The following PPP1R7 variants were observed in gnomAD, a reference collection of about 807,000 sequenced individuals.
The protein encoded by PPP1R7 is protein phosphatase 1 regulatory subunit 7.
Under a neutral mutation model 45.2 loss-of-function variants are expected in PPP1R7, and 18 were observed. The ratio of observed to expected loss-of-function variants is 0.40; its 90% CI spans 0.28 to 0.59. The LOEUF (loss-of-function observed/expected upper bound fraction) is 0.59. Among genes scored for constraint, PPP1R7 ranks in the 20% least tolerant of loss-of-function variants. The pLI is 0.46. For synonymous variants in PPP1R7, 181 were observed against 183.4 expected (o/e 0.99, Z 0.11); for missense variants, 314 against 455.8 (o/e 0.69, Z 2.83).
At chr2:241,182,305 G>T (rs2268904) in intron 9 of PPP1R7, among the ~76,000 whole-genome samples, 19,940 of 152,198 alleles carry the variant, frequency 0.13, 3,137 homozygotes, top group East Asian at 0.45. Flanking sequence ...CTGGTTTGTA[G>T]AAAGTGCAGC....
At chr2:241,160,209 C>T (rs1192633023) in intron 5 of PPP1R7, 123 bp from the exon 6 acceptor site, 5 of 683,732 alleles carry the variant, frequency 7.3e-6, no homozygotes, top group African/African-American at 1.9e-5. Context: ...ACCCCCCACC[C>T]TCTCCCACCC....
At chr2:241,178,820 G>A (rs1402682553) in intron 9 of PPP1R7, among the ~76,000 whole-genome samples, 1 of 145,454 alleles carries the variant, frequency 6.9e-6, no homozygotes, top group Non-Finnish European at 1.5e-5. Context: ...CCATCCCCAC[G>A]GACGGCTCTT....
chr2:241,167,976 G>C (rs140409860), intron 8 of PPP1R7, among the ~76,000 whole-genome samples: 1 of 152,278 alleles, frequency 6.6e-6, no homozygotes, highest in East Asian at 1.9e-4. Flanking sequence ...CCCCATCCCA[G>C]TGTCTCACGA....
At chr2:241,158,749 G>A in intron 4 of PPP1R7, 200 bp downstream of exon 4, 1 of 573,742 alleles carries the variant, frequency 1.7e-6, no homozygotes, top group East Asian at 2.8e-5. Flanking sequence ...GCACAGCCCT[G>A]GGGCTGGCTC....
At chr2:241,150,310 G>C, upstream of PPP1R7, 1 of 1,335,548 alleles carries the variant, frequency 7.5e-7, no homozygotes, top group African/African-American at 1.5e-5. Context: ...ACCTGCTCTG[G>C]GGGAGGCGCG....
chr2:241,161,821 C>G (rs1330294643), intron 6 of PPP1R7, among the ~76,000 whole-genome samples: 4 of 152,182 alleles, frequency 2.6e-5, no homozygotes, highest in African/African-American at 9.7e-5. Flanking sequence ...GGACTTCTCT[C>G]AGCCAGAAGA....
intron 9 of PPP1R7, among the ~76,000 whole-genome samples, chr2:241,181,728 G>A (rs959735953): frequency 3.3e-5 from 5 of 152,268 alleles, no homozygotes; most frequent in East Asian, 1.9e-4. Context: ...AAAAGGAGTC[G>A]AAGTCTGTCA....
intron 9 of PPP1R7, among the ~76,000 whole-genome samples, chr2:241,180,899 T>G (rs1424798491): frequency 6.6e-6 from 1 of 152,010 alleles, no homozygotes; most frequent in African/African-American, 2.4e-5. Context: ...AAAGGTTCTG[T>G]GAAAATAGGG....
intron 9 of PPP1R7, among the ~76,000 whole-genome samples, chr2:241,173,916 A>T (rs200465861): frequency 0.013 from 1,850 of 145,268 alleles, 63 homozygotes; most frequent in East Asian, 0.1. Flanking sequence ...ATTTGGCTTT[A>T]TTTTTTTTTT....
chr2:241,149,882 G>C (rs1450944095), upstream of PPP1R7: 1 of 1,447,740 alleles, frequency 6.9e-7, no homozygotes, highest in Non-Finnish European at 9.0e-7. Context: ...CAGCCAGCTG[G>C]CTAGCGGCCC....
chr2:241,172,509 G>A (rs996321738), intron 9 of PPP1R7, among the ~76,000 whole-genome samples: 3 of 152,054 alleles, frequency 2.0e-5, no homozygotes, highest in Non-Finnish European at 4.4e-5. Context: ...GCTGGGCATG[G>A]TGGCACATGC....
chr2:241,182,963 G>A lies in PPP1R7; in HGVS notation c.*140G>A, dbSNP rs2068030568. ...GGCAATAAAGGCACTGACGATAGCT[G>A]GCGCGCGCGACGTCACACACCATTT... On this transcript the variant is annotated 3_prime_UTR_variant, in exon 10 of 10. Coordinates refer to ENST00000234038, the MANE Select transcript of PPP1R7 (RefSeq NM_002712.3). 1 of 953,502 alleles carries A rather than the reference G, an allele frequency of 1.0e-6. No homozygotes were observed. The highest frequency in any genetic ancestry group is 2.7e-5 in the East Asian group (1 of 37,648). 59.1% of individuals were successfully genotyped at this position (953,502 alleles called of 1,614,324 possible).
At chr2:241,159,378 G>T in intron 5 of PPP1R7, 35 bp downstream of exon 5, 1 of 1,606,890 alleles carries the variant, frequency 6.2e-7, no homozygotes, top group South Asian at 1.1e-5. Context: ...ACAGCATGGT[G>T]GGAAGGCCAC....
intron 6 of PPP1R7, among the ~76,000 whole-genome samples, chr2:241,161,864 G>T (rs565607659): frequency 1.3e-5 from 2 of 152,340 alleles, no homozygotes; most frequent in South Asian, 4.1e-4. Flanking sequence ...TCCTAATCAG[G>T]GTCATGGCAC....
chr2:241,176,578 C>T (rs1338063084), intron 9 of PPP1R7, among the ~76,000 whole-genome samples: 1 of 152,078 alleles, frequency 6.6e-6, no homozygotes, highest in Non-Finnish European at 1.5e-5. Context: ...CTGCCTCAGC[C>T]TCCCAAGTAG....
chr2:241,183,139 T>A lies in PPP1R7; in HGVS notation c.*316T>A. 2.5e-6 allele frequency: 1 copy of A among 405,278 alleles called. No homozygotes were observed. The allele number at this position is 405,278 out of a possible 1,614,324, so 25.1% of individuals were successfully genotyped here. A position where few individuals can be genotyped will look rare whatever the true frequency, so the allele number is the denominator to read the frequency against. ...TCAGAAGGCAGTCACAGTCCCTACCTGAGTCGTGTGAAACACAGGGCCTGA... is the reference window on the plus strand; with the variant it reads ...TCAGAAGGCAGTCACAGTCCCTACCAGAGTCGTGTGAAACACAGGGCCTGA... On this transcript the variant is annotated 3_prime_UTR_variant, in exon 10 of 10. Transcript: ENST00000234038.
chr2:241,162,312 C>T (rs774512882), intron 6 of PPP1R7, among the ~76,000 whole-genome samples: 4 of 152,138 alleles, frequency 2.6e-5, no homozygotes, highest in South Asian at 2.1e-4. Flanking sequence ...TTAGCATGCA[C>T]CTTATCTGGT....
Position 241,150,490 on chromosome 2 carries a change from G to T in PPP1R7, c.-6G>T. 6.3e-7 allele frequency: 1 copy of T among 1,597,272 alleles called. No homozygotes were observed. On this transcript the variant is annotated 5_prime_UTR_variant, in exon 1 of 10. Transcript: ENST00000234038. ...ACAGATTCCGGAAAGGGGAAGAGCA[G>T]CCAACATGGCGGCGGAACGCGGCGC...
At chr2:241,178,064 G>A (rs921661651) in intron 9 of PPP1R7, among the ~76,000 whole-genome samples, 11 of 152,234 alleles carry the variant, frequency 7.2e-5, no homozygotes, top group Non-Finnish European at 1.6e-4. Flanking sequence ...CCCTGCACAA[G>A]CAGCCTGTGC....
Sources: allele counts gnomAD v4.1 joint callset (sites outside exome capture counted in the v4.1 genomes callset), GRCh38; gene constraint gnomAD v4.1.1; transcripts MANE v1.5; gene names NCBI Gene and HGNC (gene_info 2026-07-23, HGNC 2026-07-21).